The following MMP16 variants were observed in gnomAD, a reference collection of about 807,000 sequenced individuals.
MMP16 encodes the protein matrix metalloproteinase-16.
Under a neutral mutation model 67.8 loss-of-function variants are expected in MMP16, and 12 were observed. That is an observed-to-expected ratio of 0.18 (90% CI 0.11 to 0.29). The LOEUF is 0.29. Among genes scored for constraint, MMP16 ranks in the 10% least tolerant of loss-of-function variants. The pLI is 1.00. For synonymous variants in MMP16, 249 were observed against 255.9 expected (o/e 0.97, Z 0.26); for missense variants, 475 against 765.7 (o/e 0.62, Z 4.48).
chr8:88,259,552 AG>A (rs1810354917), intron 1 of MMP16, among the ~76,000 whole-genome samples: 2 of 152,168 alleles, frequency 1.3e-5, no homozygotes, highest in South Asian at 4.1e-4. Flanking sequence ...TATGTACAGA[AG>A]GATCCACCTT....
At chr8:88,162,813 CT>C (rs1808651497) in intron 4 of MMP16, among the ~76,000 whole-genome samples, 2 of 150,992 alleles carry the variant, frequency 1.3e-5, no homozygotes, top group South Asian at 4.2e-4. Context: ...GATGTGCTTG[CT>C]TTCCCTTAGC....
At chr8:88,062,796 T>TA (rs1231274193) in intron 7 of MMP16, among the ~76,000 whole-genome samples, 3 of 152,056 alleles carry the variant, frequency 2.0e-5, no homozygotes, top group South Asian at 2.1e-4. Flanking sequence ...CCCTACAACT[T>TA]AAAGTATAAT....
intron 1 of MMP16, among the ~76,000 whole-genome samples, chr8:88,303,703 C>G (rs1028599481): frequency 1.3e-5 from 2 of 152,194 alleles, no homozygotes; most frequent in Non-Finnish European, 2.9e-5. Context: ...AGCAGACCCC[C>G]AGCAAACTGC....
At chr8:88,294,220 A>G in intron 1 of MMP16, among the ~76,000 whole-genome samples, 1 of 150,016 alleles carries the variant, frequency 6.7e-6, no homozygotes, top group South Asian at 2.1e-4. Context: ...TGTGTTGGAT[A>G]TATATATACA....
At chr8:88,146,761 G>A (rs1264556686) in intron 4 of MMP16, among the ~76,000 whole-genome samples, 1 of 151,378 alleles carries the variant, frequency 6.6e-6, no homozygotes, top group Non-Finnish European at 1.5e-5. Context: ...CAGGGGCAAG[G>A]CTTTCTTTAG....
At chr8:88,232,961 G>A (rs1412397241) in intron 1 of MMP16, among the ~76,000 whole-genome samples, 1 of 152,144 alleles carries the variant, frequency 6.6e-6, no homozygotes, top group Non-Finnish European at 1.5e-5. Context: ...GATGAGAAGA[G>A]TTAGATTCTG....
intron 1 of MMP16, among the ~76,000 whole-genome samples, chr8:88,287,767 T>C (rs1810855628): frequency 6.6e-6 from 1 of 152,232 alleles, no homozygotes; most frequent in Non-Finnish European, 1.5e-5. Context: ...ACTTCCTATG[T>C]GTCAGACATG....
At chr8:88,145,172 G>A (rs1808270667) in intron 4 of MMP16, among the ~76,000 whole-genome samples, 1 of 151,868 alleles carries the variant, frequency 6.6e-6, no homozygotes, top group Non-Finnish European at 1.5e-5. Flanking sequence ...CATTAAAGTG[G>A]ACTTACACAA....
chr8:88,131,537 T>C (rs1808030278), intron 4 of MMP16, among the ~76,000 whole-genome samples: 1 of 151,850 alleles, frequency 6.6e-6, no homozygotes, highest in South Asian at 2.1e-4. Context: ...CCAAGGAATT[T>C]ACTGTGCTCT....
intron 6 of MMP16, among the ~76,000 whole-genome samples, chr8:88,093,586 C>G (rs1808975796): frequency 6.6e-6 from 1 of 151,786 alleles, no homozygotes; most frequent in South Asian, 2.1e-4. Flanking sequence ...TTTACACTAC[C>G]TTAATGTTGT....
At chr8:88,165,196 A>AAAAG in intron 4 of MMP16, among the ~76,000 whole-genome samples, 1 of 150,502 alleles carries the variant, frequency 6.6e-6, no homozygotes, top group Middle Eastern at 3.4e-3. Context: ...AAAAAAAAAA[A>AAAAG]AAAGAAAGAA....
At chr8:88,081,650 AT>A (rs1808753387) in intron 6 of MMP16, among the ~76,000 whole-genome samples, 2 of 152,158 alleles carry the variant, frequency 1.3e-5, no homozygotes. Flanking sequence ...AAATTTATGC[AT>A]TTTTAGGGTA....
At chr8:88,326,900 A>C in intron 1 of MMP16, 175 bp downstream of exon 1, 1 of 665,462 alleles carries the variant, frequency 1.5e-6, no homozygotes, top group Admixed American at 2.9e-5. Context: ...TCTGGGTCTC[A>C]CACGCATCCG....
chr8:88,208,752 T>C (rs1015996762), intron 1 of MMP16, among the ~76,000 whole-genome samples: 3 of 147,662 alleles, frequency 2.0e-5, no homozygotes, highest in Non-Finnish European at 4.5e-5. Context: ...ACACATGTTG[T>C]GCATGACTTC....
intron 6 of MMP16, among the ~76,000 whole-genome samples, chr8:88,101,991 G>C (rs1437945231): frequency 6.6e-6 from 1 of 151,820 alleles, no homozygotes; most frequent in Non-Finnish European, 1.5e-5. Context: ...CTCATTCATA[G>C]TGTTACAATT....
At chr8:88,139,628 T>G (rs1808178748) in intron 4 of MMP16, among the ~76,000 whole-genome samples, 1 of 152,166 alleles carries the variant, frequency 6.6e-6, no homozygotes, top group Non-Finnish European at 1.5e-5. Flanking sequence ...TATTTTCTGA[T>G]ATGAGCAGAA....
At chr8:88,203,190 G>A (rs1332761511) in intron 1 of MMP16, among the ~76,000 whole-genome samples, 3 of 140,036 alleles carry the variant, frequency 2.1e-5, no homozygotes, top group Non-Finnish European at 4.5e-5. Flanking sequence ...TTCAACCTCC[G>A]TCACCCGGGT....
intron 4 of MMP16, among the ~76,000 whole-genome samples, chr8:88,165,876 T>G (rs1181091575): frequency 2.6e-5 from 4 of 152,254 alleles, no homozygotes; most frequent in Middle Eastern, 3.4e-3. Context: ...GTTTTTGGCT[T>G]TTCATTCTAT....
chr8:88,235,244 T>C (rs1214109928), intron 1 of MMP16, among the ~76,000 whole-genome samples: 1 of 151,896 alleles, frequency 6.6e-6, no homozygotes, highest in African/African-American at 2.4e-5. Context: ...GTTCAAAAAT[T>C]AGCCAGGCAT....
Sources: allele counts gnomAD v4.1 joint callset (sites outside exome capture counted in the v4.1 genomes callset), GRCh38; gene constraint gnomAD v4.1.1; transcripts MANE v1.5; gene names NCBI Gene and HGNC (gene_info 2026-07-23, HGNC 2026-07-21).